The following DYRK3 variants were observed in gnomAD, a reference collection of about 807,000 sequenced individuals.
DYRK3 encodes dual specificity tyrosine phosphorylation regulated kinase 3.
In DYRK3, 30 loss-of-function variants were observed where a neutral mutation model predicts 40.8. That is an observed-to-expected ratio of 0.74 (90% CI 0.55 to 1.00). The LOEUF (loss-of-function observed/expected upper bound fraction) is 1.00. DYRK3 is among the 50% of genes least tolerant of loss of function. The probability of loss-of-function intolerance (pLI) is 0.00; values close to 1 mark genes in which losing one functional copy is unlikely to be tolerated. For synonymous variants in DYRK3, 272 were observed against 260.7 expected, an observed-to-expected ratio of 1.04 and a Z score of -0.42; for missense variants, 699 against 731.5, an observed-to-expected ratio of 0.96 and a Z score of 0.51.
In DYRK3 at chr1:206,654,059, A is replaced by C. The variant is rs1671696087; in HGVS notation, c.*5094A>C. On this transcript the variant is annotated 3_prime_UTR_variant, in exon 3 of 3. Transcript: ENST00000367109. ...TCGTAACTAGGCATAATTAAAGTTA[A>C]ATGCTAAATTTTAGGTAGCAGCTGA... Among the ~76,000 whole-genome samples, 1 of 152,278 alleles carries C rather than the reference A, an allele frequency of 6.6e-6. No individual in the cohort carries two copies. The highest frequency in any genetic ancestry group is 1.5e-5 in the Non-Finnish European group (1 of 68,050).
intron 1 of DYRK3, chr1:206,636,004 G>A (rs1671095528): frequency 7.0e-7 from 1 of 1,431,660 alleles, no homozygotes; most frequent in Non-Finnish European, 9.2e-7. Flanking sequence ...AGCGGAGTTA[G>A]AGCAAGAAGA....
chr1:206,643,600 G>C (rs1671349340), intron 2 of DYRK3, among the ~76,000 whole-genome samples: 1 of 152,188 alleles, frequency 6.6e-6, no homozygotes, highest in Non-Finnish European at 1.5e-5. Context: ...ATCTTCTGTT[G>C]AAGTTCAAAT....
rs184649442 is a variant in DYRK3, at chr1:206,640,391, C to T, written c.189+2630C>T. 2.3e-3 allele frequency among the ~76,000 whole-genome samples: 343 copies of T among 152,160 alleles called. 2 individuals carry two copies. Among genetic ancestry groups the T allele is most frequent in the African/African-American group, 8.1e-3 (338 of 41,516 alleles). On this transcript the variant is annotated intron_variant, in intron 2 of 2. Transcript: ENST00000367109. Reference sequence around the variant, plus strand: ...GCTTCATTTATTCAAGATGCTCCTACATTCTCATGGTAAACTATAAATCAT... The same window carrying T: ...GCTTCATTTATTCAAGATGCTCCTATATTCTCATGGTAAACTATAAATCAT...
rs1671690480 is a variant in DYRK3 at position 206,653,833 on chromosome 1, T to G, written c.*4868T>G. On this transcript the variant is annotated 3_prime_UTR_variant, in exon 3 of 3. Coordinates refer to ENST00000367109, the MANE Select transcript of DYRK3 (RefSeq NM_003582.4). ...TGACTTATGACCATATTAGTATGCT[T>G]TATTCCTTGGTGTTTAAGGGAGTTG... is the stretch of plus-strand genomic sequence containing the variant. Among the ~76,000 whole-genome samples the G allele has an allele frequency of 6.6e-6, 1 of 152,210 alleles. No homozygotes were observed. Among genetic ancestry groups the G allele is most frequent in the Non-Finnish European group, 1.5e-5 (1 of 68,040 alleles).
In DYRK3 at chr1:206,647,407, C is replaced by T. The variant is rs1190575312; in HGVS notation, c.209C>T (p.Thr70Ile). ...RRLNMTTEQF[T>I]GDHTQHFLDG... ...TCATAGATGACCACTGAGCAGTTTA[C>T]AGGAGATCATACTCAGCACTTTTTG... Residue 70 changes from threonine to isoleucine, a missense_variant, in exon 3 of 3, where the codon ACA becomes ATA. Physicochemically the swap from Thr to Ile is moderately conservative, Grantham distance 89. Transcript: ENST00000367109. 1 of 1,611,736 alleles carries T rather than the reference C, an allele frequency of 6.2e-7. No homozygotes were observed. The highest frequency in any genetic ancestry group is 8.5e-7 in the Non-Finnish European group (1 of 1,178,860).
At chr1:206,637,039 G>A (rs2102328197) in intron 1 of DYRK3, 2 of 1,194,806 alleles carry the variant, frequency 1.7e-6, no homozygotes, top group Non-Finnish European at 2.5e-6. Flanking sequence ...GTATTTTTCT[G>A]CAGGTTAGGT....
chr1:206,636,123 G>C, intron 1 of DYRK3: 1 of 1,306,280 alleles, frequency 7.7e-7, no homozygotes, highest in Non-Finnish European at 1.0e-6. Flanking sequence ...GGGAGCCCGG[G>C]AGCAATACCT....
chr1:206,642,521 A>G (rs1671320275), intron 2 of DYRK3, among the ~76,000 whole-genome samples: 1 of 152,240 alleles, frequency 6.6e-6, no homozygotes, highest in Admixed American at 6.5e-5. Flanking sequence ...AAAGACTTGG[A>G]ACCAACCCAC....
Position 206,650,339 on chromosome 1 carries a change from G to C in DYRK3, c.*1374G>C, listed in dbSNP as rs547608067. On this transcript the variant is annotated 3_prime_UTR_variant, in exon 3 of 3. Coordinates refer to ENST00000367109, the MANE Select transcript of DYRK3 (RefSeq NM_003582.4). ...CCCAGCACTTTGGGAGGCTGAGGTG[G>C]GTGGATTCCTTGAGCCCAGGAGTTC... Among the ~76,000 whole-genome samples, 5 of 152,294 alleles carry C rather than the reference G, an allele frequency of 3.3e-5. No homozygotes were observed. The highest frequency in any genetic ancestry group is 1.2e-4 in the African/African-American group (5 of 41,562).
Position 206,648,228 on chromosome 1 carries a change from A to C in DYRK3, c.1030A>C (p.Lys344Gln), listed in dbSNP as rs1553420611. The change falls in exon 3 of 3, where the codon AAA (lysine) becomes CAA (glutamine). Residue 344 changes from lysine (K) to glutamine (Q), a missense_variant. By Grantham distance (53) the Lys-to-Gln change is moderately conservative (BLOSUM62 1). Transcript: ENST00000367109. Reference protein sequence around the residue: ...CDLKPENILLKHHGRSSTKVI... With the variant: ...CDLKPENILLQHHGRSSTKVI... ...TCTGAAGCCAGAAAACATTCTCCTG[A>C]AACACCACGGGCGCAGTTCAACCAA... The C allele has an allele frequency of 6.2e-7, 1 of 1,614,176 alleles. No homozygotes were observed. The highest frequency in any genetic ancestry group is 2.2e-5 in the East Asian group (1 of 44,880).
Position 206,635,776 on chromosome 1 carries a change from C to T in DYRK3, c.73C>T (p.Arg25Trp), listed in dbSNP as rs1671085365. ...TGGGGCCGGGCTCCCGCCCCAGCAGCGGAGGTAACGGCGCCACGGGGTAAC... is the reference window on the plus strand; with the variant it reads ...TGGGGCCGGGCTCCCGCCCCAGCAGTGGAGGTAACGGCGCCACGGGGTAAC... Reference protein sequence around the residue: ...PPGAGLPPQQRRLGDGVYDTF... With the variant: ...PPGAGLPPQQWRLGDGVYDTF... Residue 25 changes from arginine (R) to tryptophan (W), a missense_variant, in exon 1 of 3, where the codon CGG (arginine) becomes TGG (tryptophan). Arg to Trp is a moderately radical substitution (Grantham distance 101, BLOSUM62 -3). Transcript: ENST00000367109. 1.6e-6 allele frequency: 2 copies of T among 1,243,812 alleles called. No homozygotes were observed. The highest frequency in any genetic ancestry group is 2.0e-6 in the Non-Finnish European group (2 of 989,486). 77.0% of individuals were successfully genotyped at this position (1,243,812 alleles called of 1,614,324 possible).
chr1:206,636,276 C>G, intron 1 of DYRK3: 2 of 252,622 alleles, frequency 7.9e-6, no homozygotes, highest in South Asian at 8.1e-5. Flanking sequence ...TTGAGAGATT[C>G]CCCACCTTGC....
chr1:206,639,465 ATTT>A (rs11400833), intron 2 of DYRK3, among the ~76,000 whole-genome samples: 4 of 118,530 alleles, frequency 3.4e-5, no homozygotes, highest in African/African-American at 6.5e-5. Context: ...ATTTTAACTG[ATTT>A]TTTTTTTTTT....
At chr1:206,644,996 CTTTGT>C (rs1359988675) in intron 2 of DYRK3, among the ~76,000 whole-genome samples, 1 of 152,122 alleles carries the variant, frequency 6.6e-6, no homozygotes, top group Non-Finnish European at 1.5e-5. Flanking sequence ...GGCTCCTTGA[CTTTGT>C]TTAAGATCAT....
intron 1 of DYRK3, chr1:206,637,075 T>G: frequency 1.2e-6 from 1 of 814,080 alleles, no homozygotes; most frequent in Non-Finnish European, 2.1e-6. Flanking sequence ...AGTAAGTAAA[T>G]GAATAAAGAG....
intron 2 of DYRK3, among the ~76,000 whole-genome samples, chr1:206,644,052 T>TTTTTTTTA (rs1671377540): frequency 1.4e-5 from 2 of 147,514 alleles, no homozygotes; most frequent in Admixed American, 1.4e-4. Flanking sequence ...TTTTTTTTTT[T>TTTTTTTTA]GAGAAGTAGT....
rs1002086409 is a variant in DYRK3 at position 206,650,180 on chromosome 1, C to T, written c.*1215C>T. On this transcript the variant is annotated 3_prime_UTR_variant, in exon 3 of 3. Transcript: ENST00000367109. ...AGGGTGGAGACGGGACAGAAGCTAA[C>T]TCACTGCTACTGGGTTTTGTTTGTT... 3.9e-5 allele frequency among the ~76,000 whole-genome samples: 6 copies of T among 152,262 alleles called. No homozygotes were observed. Among genetic ancestry groups the T allele is most frequent in the African/African-American group, 1.4e-4 (6 of 41,480 alleles).
intron 2 of DYRK3, among the ~76,000 whole-genome samples, chr1:206,639,982 T>G (rs928411276): frequency 2.7e-5 from 4 of 148,564 alleles, no homozygotes; most frequent in Non-Finnish European, 4.5e-5. Context: ...TCGCCCAGGC[T>G]GGAGTGCAGT....
intron 2 of DYRK3, among the ~76,000 whole-genome samples, chr1:206,644,929 C>G (rs1671407426): frequency 6.6e-6 from 1 of 152,272 alleles, no homozygotes; most frequent in African/African-American, 2.4e-5. Flanking sequence ...TGTACTTGGG[C>G]AATATCTGGC....
Sources: allele counts gnomAD v4.1 joint callset (sites outside exome capture counted in the v4.1 genomes callset), GRCh38; gene constraint gnomAD v4.1.1; transcripts MANE v1.5; gene names NCBI Gene and HGNC (gene_info 2026-07-23, HGNC 2026-07-21).